The following SLC44A5 variants were observed in gnomAD, a reference collection of about 807,000 sequenced individuals.
The protein encoded by SLC44A5 is solute carrier family 44 member 5, also known as choline transporter-like protein 5.
Under a neutral mutation model 101.8 loss-of-function variants are expected in SLC44A5, and 57 were observed. The observed-to-expected ratio is 0.56, with a 90% CI of 0.45 to 0.70. SLC44A5 has a LOEUF of 0.70. SLC44A5 is among the 30% of genes least tolerant of loss of function. The probability of loss-of-function intolerance (pLI) is 0.00; values close to 1 mark genes in which losing one functional copy is unlikely to be tolerated. For missense variants in SLC44A5, 737 were observed against 853.1 expected (o/e 0.86, Z 1.70); for synonymous variants, 281 against 290.9 (o/e 0.97, Z 0.35).
intron 2 of SLC44A5, among the ~76,000 whole-genome samples, chr1:75,454,848 A>G (rs1666098984): frequency 6.6e-6 from 1 of 152,132 alleles, no homozygotes; most frequent in South Asian, 2.1e-4. Flanking sequence ...GATCTCTACA[A>G]GGAGAGCTAC....
intron 11 of SLC44A5, among the ~76,000 whole-genome samples, chr1:75,236,576 C>T (rs1240578910): frequency 1.3e-5 from 2 of 151,856 alleles, no homozygotes; most frequent in East Asian, 1.9e-4. Context: ...AAAATAGGAA[C>T]GATCCTTTTA....
intron 16 of SLC44A5, among the ~76,000 whole-genome samples, 157 bp downstream of exon 16, chr1:75,219,100 T>C (rs979452249): frequency 1.3e-5 from 2 of 152,102 alleles, no homozygotes; most frequent in Non-Finnish European, 2.9e-5. Context: ...TTCCATACTC[T>C]CCTGCTTACC....
the SLC44A5 span, among the ~76,000 whole-genome samples, chr1:75,633,397 G>C: frequency 6.6e-6 from 1 of 152,026 alleles, no homozygotes; most frequent in Admixed American, 6.6e-5. Flanking sequence ...TTATTTCATT[G>C]AGCAGTGGTT....
At chr1:75,653,931 C>T in the SLC44A5 span, among the ~76,000 whole-genome samples, 1 of 152,120 alleles carries the variant, frequency 6.6e-6, no homozygotes, top group African/African-American at 2.4e-5. Context: ...ACAGCTTCAG[C>T]TAGTAACAAA....
chr1:75,386,141 A>T (rs373772264), intron 3 of SLC44A5, among the ~76,000 whole-genome samples: 14,355 of 151,848 alleles, frequency 0.095, 903 homozygotes, highest in Admixed American at 0.2. Context: ...CCCTTTGAAA[A>T]CTGGCACAAG....
At chr1:75,597,485 G>A (rs1045566995) in intron 1 of SLC44A5, among the ~76,000 whole-genome samples, 16 of 152,034 alleles carry the variant, frequency 1.1e-4, no homozygotes, top group Admixed American at 9.8e-4. Flanking sequence ...AGCCTGAATA[G>A]CCAAGGCAAT....
intron 2 of SLC44A5, among the ~76,000 whole-genome samples, chr1:75,501,808 A>G (rs1357740699): frequency 6.6e-6 from 1 of 152,232 alleles, no homozygotes; most frequent in Non-Finnish European, 1.5e-5. Context: ...AGCTTCAGGC[A>G]TAGAGAAATG....
At chr1:75,573,405 G>T (rs532039510) in intron 1 of SLC44A5, among the ~76,000 whole-genome samples, 5 of 151,962 alleles carry the variant, frequency 3.3e-5, no homozygotes, top group African/African-American at 9.7e-5. Context: ...ACAGTTAAAC[G>T]TTGGCCACCT....
intron 22 of SLC44A5, among the ~76,000 whole-genome samples, chr1:75,212,492 C>G (rs1448561147): frequency 6.6e-6 from 1 of 152,130 alleles, no homozygotes; most frequent in Non-Finnish European, 1.5e-5. Context: ...CAGCCTCCAG[C>G]TCCATCCATG....
At chr1:75,543,558 T>C (rs1671468156) in intron 1 of SLC44A5, among the ~76,000 whole-genome samples, 3 of 149,442 alleles carry the variant, frequency 2.0e-5, no homozygotes. Flanking sequence ...GTAATTCCAG[T>C]GAGGCTAGAA....
At chr1:75,290,261 A>G (rs1653428871) in intron 5 of SLC44A5, among the ~76,000 whole-genome samples, 1 of 152,246 alleles carries the variant, frequency 6.6e-6, no homozygotes, top group Non-Finnish European at 1.5e-5. Context: ...CTTGTAGGAA[A>G]CAATGCCCTT....
intron 5 of SLC44A5, among the ~76,000 whole-genome samples, chr1:75,285,382 A>G (rs184742357): frequency 3.0e-4 from 46 of 152,100 alleles, no homozygotes; most frequent in African/African-American, 1.1e-3. Flanking sequence ...CTTCTTGATT[A>G]ATCTCACTAA....
chr1:75,377,228 T>C (rs1388837636), intron 3 of SLC44A5, among the ~76,000 whole-genome samples: 1 of 135,410 alleles, frequency 7.4e-6, no homozygotes, highest in Admixed American at 7.7e-5. Context: ...CCCAACCCCG[T>C]GCTCTCTGAA....
intron 16 of SLC44A5, 131 bp downstream of exon 16, chr1:75,219,124 CCA>C: frequency 1.5e-6 from 1 of 678,900 alleles, no homozygotes; most frequent in Non-Finnish European, 2.6e-6. Flanking sequence ...TGCACACTCC[CCA>C]CTTCAGCACA....
At chr1:75,545,942 C>T (rs1042841982) in intron 1 of SLC44A5, among the ~76,000 whole-genome samples, 2 of 151,734 alleles carry the variant, frequency 1.3e-5, no homozygotes, top group Non-Finnish European at 2.9e-5. Context: ...TTCGTCCCAA[C>T]TCAACCTCCC....
At chr1:75,360,763 C>T (rs983883448) in intron 3 of SLC44A5, among the ~76,000 whole-genome samples, 1 of 152,012 alleles carries the variant, frequency 6.6e-6, no homozygotes, top group African/African-American at 2.4e-5. Flanking sequence ...TGGCTTTGTT[C>T]CTTTTGCTCA....
intron 1 of SLC44A5, among the ~76,000 whole-genome samples, chr1:75,593,896 G>A (rs1402068888): frequency 1.3e-5 from 2 of 151,554 alleles, no homozygotes; most frequent in African/African-American, 4.8e-5. Context: ...ATAGAGGGAA[G>A]TGGGGATAGT....
At position 75,325,200 on chromosome 1, in the gene SLC44A5, G is replaced by A. The variant is rs111606164; in HGVS notation, c.101+14382C>T. Among the ~76,000 whole-genome samples, 644 of 152,188 alleles carry A rather than the reference G, an allele frequency of 4.2e-3. 5 individuals are homozygous for A. The highest frequency in any genetic ancestry group is 0.015 in the African/African-American group (618 of 41,512). On this transcript the variant is annotated intron_variant, in intron 4 of 23. Coordinates refer to ENST00000370859, the MANE Select transcript of SLC44A5 (RefSeq NM_001130058.2). Reference sequence around the variant, plus strand: ...AGGCTGAGTTGAAGAGGGAACATGTGGACTTGACCTTCACATGTGAGTAAA... The same window carrying A: ...AGGCTGAGTTGAAGAGGGAACATGTAGACTTGACCTTCACATGTGAGTAAA...
At position 75,215,830 on chromosome 1, in the gene SLC44A5, A is replaced by T; in HGVS notation, c.1652T>A (p.Leu551Gln). ...GAAGCAGCATCTCAGGCAGCATTGT[A>T]GGAATTTAGACAATGTGTTCTGGGT... ...KRTQNTLSKF[L>Q]QCCLRCCFWC... The change falls in exon 19 of 24, where the codon CTA (leucine) becomes CAA (glutamine). Residue 551 changes from leucine (L) to glutamine (Q), a missense_variant. Transcript: ENST00000370859. 1 of 1,604,394 alleles carries T rather than the reference A, an allele frequency of 6.2e-7. No homozygotes were observed.
Sources: gnomAD v4.1 joint callset for allele counts (sites outside exome capture counted in the v4.1 genomes callset) on GRCh38, gnomAD v4.1.1 for gene constraint, MANE v1.5 for transcripts, NCBI Gene and HGNC (gene_info 2026-07-23, HGNC 2026-07-21) for gene names.